Variants in ZNF41 observed in about 807,000 individuals in gnomAD.
The protein encoded by ZNF41 is zinc finger protein 41.
ZNF41 carries 6 observed loss-of-function variants against 9.3 expected under a neutral mutation model. That is an observed-to-expected ratio of 0.65 (90% CI 0.35 to 1.28). ZNF41 has a LOEUF of 1.28. Among genes scored for constraint, ZNF41 ranks in the 50% most tolerant of loss-of-function variants. The pLI is 0.03. For synonymous variants in ZNF41, 192 were observed against 207.1 expected, an observed-to-expected ratio of 0.93 and a Z score of 0.63; for missense variants, 523 against 585.8, an observed-to-expected ratio of 0.89 and a Z score of 1.11.
chrX:47,448,029 A>G lies in ZNF41; in HGVS notation c.1741T>C (p.Cys581Arg). The G allele has an allele frequency of 8.3e-7, 1 of 1,211,835 alleles. No homozygotes were observed. Among genetic ancestry groups the G allele is most frequent in the Non-Finnish European group, 1.1e-6 (1 of 895,584 alleles). ...KSHIGERHYE[C>R]KDCGKAFIQK... Reference sequence around the variant, plus strand: ...ATGAAGGCTTTCCCGCAGTCCTTGCATTCATAGTGTCTCTCTCCAATATGA... The same window carrying G: ...ATGAAGGCTTTCCCGCAGTCCTTGCGTTCATAGTGTCTCTCTCCAATATGA... Residue 581 changes from cysteine (C) to arginine (R), a missense_variant, in exon 5 of 5, where the codon TGC (cysteine) becomes CGC (arginine). Physicochemically the swap from Cys to Arg is radical, Grantham distance 180. Coordinates refer to ENST00000684689, the MANE Select transcript of ZNF41 (RefSeq NM_001324144.2).
intron 1 of ZNF41, among the ~76,000 whole-genome samples, chrX:47,471,135 A>G (rs141506743): frequency 2.7e-5 from 3 of 111,103 alleles, no homozygotes; most frequent in African/African-American, 6.5e-5. Context: ...AAGCAAGATG[A>G]TCCAGCACCA....
chrX:47,462,950 CACACACACACACACACATATGTGT>C (rs1205631905), intron 2 of ZNF41, among the ~76,000 whole-genome samples: 1 of 77,318 alleles, frequency 1.3e-5, no homozygotes, highest in Non-Finnish European at 2.9e-5. Context: ...TATATATACA[CACACACACACACACACATATGTGT>C]ACACACACAC....
At chrX:47,466,426 C>T (rs1399814955) in intron 2 of ZNF41, among the ~76,000 whole-genome samples, 2 of 111,083 alleles carry the variant, frequency 1.8e-5, no homozygotes, top group African/African-American at 3.3e-5. Flanking sequence ...AGCTGTGGTG[C>T]GGTGAGGGTG....
intron 1 of ZNF41, among the ~76,000 whole-genome samples, chrX:47,477,811 A>G (rs1602995575): frequency 8.9e-6 from 1 of 112,352 alleles, no homozygotes; most frequent in African/African-American, 3.2e-5. Flanking sequence ...GTAAATTTCT[A>G]CCTCACTCCT....
intron 2 of ZNF41, among the ~76,000 whole-genome samples, chrX:47,466,462 CCA>C (rs2056988885): frequency 9.0e-6 from 1 of 111,284 alleles, no homozygotes; most frequent in Non-Finnish European, 1.9e-5. Flanking sequence ...AGACCTGGCT[CCA>C]GTCTAGTGTT....
chrX:47,452,242 G>A (rs940121805), intron 4 of ZNF41, among the ~76,000 whole-genome samples: 1 of 111,026 alleles, frequency 9.0e-6, no homozygotes, highest in African/African-American at 3.3e-5. Flanking sequence ...TGCAGTGTGG[G>A]TGACTTCTCC....
intron 1 of ZNF41, chrX:47,482,600 T>TGCGTGCGTGCGCGC (rs1556848654): frequency 4.5e-5 from 5 of 111,669 alleles, no homozygotes; most frequent in Admixed American, 9.4e-5. Flanking sequence ...CGCCGGTGCG[T>TGCGTGCGTGCGCGC]GCGTGCGCGT....
intron 1 of ZNF41, among the ~76,000 whole-genome samples, chrX:47,469,655 G>A (rs188470196): frequency 6.3e-5 from 7 of 111,832 alleles, no homozygotes; most frequent in East Asian, 2.8e-4. Flanking sequence ...CAAGGCGAGC[G>A]GATCACGAAG....
Position 47,448,021 on chromosome X carries a change from G to A in ZNF41, c.1749C>T (p.Asp583=), listed in dbSNP as rs1298221949. The change falls in exon 5 of 5, where the codon GAC becomes GAT. Residue 583 remains aspartate, a synonymous_variant. Coordinates refer to ENST00000684689, the MANE Select transcript of ZNF41 (RefSeq NM_001324144.2). ...ATTTCTGGATGAAGGCTTTCCCGCA[G>A]TCCTTGCATTCATAGTGTCTCTCTC... is the stretch of plus-strand genomic sequence containing the variant. ...HIGERHYECK[D]CGKAFIQKST... The A allele has an allele frequency of 8.3e-7, 1 of 1,211,215 alleles. No homozygotes were observed. Among genetic ancestry groups the A allele is most frequent in the Non-Finnish European group, 1.1e-6 (1 of 895,372 alleles).
At chrX:47,460,379 A>G (rs746410079) in intron 2 of ZNF41, among the ~76,000 whole-genome samples, 5 of 112,865 alleles carry the variant, frequency 4.4e-5, no homozygotes, top group African/African-American at 1.6e-4. Context: ...TTAGGAAAAT[A>G]GTTCTCAAAC....
chrX:47,449,277 T>G lies in ZNF41; in HGVS notation c.493A>C (p.Arg165=), dbSNP rs150715376. ...LSHVKVLIKE[R]GYEHKNIEKI... ...TCAATGTTTTTATGTTCATAGCCCC[T>G]CTCCTTAATCAATACTTTCACATGA... Residue 165 remains arginine (R), a synonymous_variant, in exon 5 of 5, where the codon AGG becomes CGG. Coordinates refer to ENST00000684689, the MANE Select transcript of ZNF41 (RefSeq NM_001324144.2). The G allele has an allele frequency of 1.8e-5, 22 of 1,209,349 alleles. No homozygotes were observed. The African/African-American group carries it at 3.7e-4, about 20-fold the overall frequency.
intron 2 of ZNF41, among the ~76,000 whole-genome samples, chrX:47,462,968 T>C (rs375480136): frequency 0.12 from 8,395 of 69,035 alleles, 602 homozygotes; most frequent in African/African-American, 0.24. Flanking sequence ...CACACACACA[T>C]ATGTGTACAC....
chrX:47,448,689 C>T lies in ZNF41; in HGVS notation c.1081G>A (p.Gly361Arg), dbSNP rs377379693. The T allele has an allele frequency of 1.2e-5, 14 of 1,209,795 alleles. No homozygotes were observed. Among genetic ancestry groups the T allele is most frequent in the Non-Finnish European group, 1.5e-5 (13 of 895,253 alleles). Residue 361 changes from glycine (G) to arginine (R), a missense_variant, in exon 5 of 5, where the codon GGA becomes AGA. Transcript: ENST00000684689. ...TCTGATCTCTGGAAAAAGGCTTTTC[C>T]ACATTCACTGCATTTGTAGGGTTTC... ...GQKPYKCSEC[G>R]KAFFQRSDLF...
At chrX:47,472,583 C>T (rs1404915711) in intron 1 of ZNF41, among the ~76,000 whole-genome samples, 2 of 109,019 alleles carry the variant, frequency 1.8e-5, no homozygotes, top group Non-Finnish European at 3.8e-5. Flanking sequence ...GGACTACAGG[C>T]GTGCGCCACC....
intron 2 of ZNF41, among the ~76,000 whole-genome samples, chrX:47,460,024 G>A (rs1216124733): frequency 9.0e-6 from 1 of 110,950 alleles, no homozygotes. Flanking sequence ...CAAGGCAGGA[G>A]GATTGCTTGA....
intron 1 of ZNF41, among the ~76,000 whole-genome samples, chrX:47,481,181 G>A (rs767409780): frequency 1.8e-5 from 2 of 112,049 alleles, no homozygotes; most frequent in Admixed American, 1.9e-4. Flanking sequence ...TGTAGTTCCA[G>A]CACTTTGGGA....
At chrX:47,468,461 G>A (rs1264605387) in intron 1 of ZNF41, among the ~76,000 whole-genome samples, 1 of 111,035 alleles carries the variant, frequency 9.0e-6, no homozygotes, top group Non-Finnish European at 1.9e-5. Context: ...ATCAGGCCCT[G>A]AAAACCTGCA....
At chrX:47,473,371 G>T (rs767288480) in intron 1 of ZNF41, among the ~76,000 whole-genome samples, 1 of 111,659 alleles carries the variant, frequency 9.0e-6, no homozygotes, top group South Asian at 3.6e-4. Flanking sequence ...GAAAATGAAA[G>T]AAGATCTGAA....
chrX:47,463,128 T>C (rs2056874503), intron 2 of ZNF41, among the ~76,000 whole-genome samples: 2 of 110,392 alleles, frequency 1.8e-5, no homozygotes, highest in African/African-American at 6.6e-5. Flanking sequence ...GCCTGGCCAT[T>C]GAATACATTT....
Sources: gnomAD v4.1 joint callset for allele counts (sites outside exome capture counted in the v4.1 genomes callset) on GRCh38, gnomAD v4.1.1 for gene constraint, MANE v1.5 for transcripts, NCBI Gene and HGNC (gene_info 2026-07-23, HGNC 2026-07-21) for gene names.